Variants in BCOR observed in about 807,000 individuals in gnomAD.
BCOR encodes BCL6 corepressor.
A neutral mutation model predicts 86.7 loss-of-function variants in BCOR; 10 were observed. The observed-to-expected ratio is 0.12, with a 90% CI of 0.07 to 0.20. The LOEUF is 0.20. Ranked by LOEUF, BCOR falls within the 10% of genes least tolerant of loss-of-function variation. The pLI is 1.00. For synonymous variants in BCOR, 611 were observed against 609.0 expected (o/e 1.00, Z -0.05); for missense variants, 1,259 against 1,452.1 (o/e 0.87, Z 2.16).
chrX:40,160,877 G>C (rs1938402693), intron 1 of BCOR, among the ~76,000 whole-genome samples: 1 of 95,898 alleles, frequency 1.0e-5, no homozygotes, highest in South Asian at 4.9e-4. Flanking sequence ...GTTTCACCAT[G>C]TTGCCCAGGC....
intron 1 of BCOR, among the ~76,000 whole-genome samples, chrX:40,134,478 C>G (rs1937642078): frequency 9.1e-6 from 1 of 110,137 alleles, no homozygotes; most frequent in African/African-American, 3.3e-5. Flanking sequence ...AAAAAATTGG[C>G]TGGGTGTAGT....
In BCOR at chrX:40,110,667, C is replaced by CTTTTTTTTTTTTTTTTTTTT. The variant is rs546960508; in HGVS notation, c.-40-32718_-40-32699dup. Among the ~76,000 whole-genome samples the CTTTTTTTTTTTTTTTTTTTT allele has an allele frequency of 3.4e-4, 10 of 29,551 alleles. 2 individuals are homozygous for CTTTTTTTTTTTTTTTTTTTT. The highest frequency in any genetic ancestry group is 6.9e-4 in the Non-Finnish European group (10 of 14,555). 25.7% of individuals were successfully genotyped at this position (29,551 alleles called of 115,157 possible). A position where few individuals can be genotyped will look rare whatever the true frequency, so the allele number is the denominator to read the frequency against. ...TTCTTTTTTTTCTTTTTTCCTTTTT[C>CTTTTTTTTTTTTTTTTTTTT]TTTTTTTTTTTTTTTTTTTTTTTTT... On this transcript the variant is annotated intron_variant, in intron 1 of 14. Coordinates refer to the BCOR transcript ENST00000342274.
chrX:40,137,706 G>T (rs1311227324), intron 1 of BCOR, among the ~76,000 whole-genome samples: 1 of 111,568 alleles, frequency 9.0e-6, no homozygotes, highest in Non-Finnish European at 1.9e-5. Context: ...GTCTGTTGGG[G>T]GGCCCCAAGA....
chrX:40,057,383 C>T (rs183866805), intron 10 of BCOR, 62 bp from the exon 11 acceptor site: 182 of 1,094,391 alleles, frequency 1.7e-4, no homozygotes, highest in Non-Finnish European at 2.2e-4. Flanking sequence ...TAAGGTGGAC[C>T]TCTCTGTAGC....
Position 40,063,642 on chromosome X carries a change from C to G in BCOR, c.3813G>C (p.Ser1271=). 1 of 1,211,517 alleles carries G rather than the reference C, an allele frequency of 8.3e-7. No individual in the cohort carries two copies. The highest frequency in any genetic ancestry group is 1.1e-6 in the Non-Finnish European group (1 of 895,240). The change falls in exon 8 of 15, where the codon TCG becomes TCC. Residue 1271 remains serine (S), a synonymous_variant. Coordinates refer to ENST00000378444, the MANE Select transcript of BCOR (RefSeq NM_001123385.2). The stretch of plus-strand genomic sequence containing the variant: ...TGTCACTGGGTTTAAGAGACTCTTC[C>G]GACCAGCTTCTGTTGCCTTTGGCCT... ...RAEAKGNRSW[S]EESLKPSDNE...
At chrX:40,083,605 G>C (rs1476805969) in intron 1 of BCOR, among the ~76,000 whole-genome samples, 4 of 111,709 alleles carry the variant, frequency 3.6e-5, no homozygotes, top group Non-Finnish European at 7.6e-5. Context: ...CCCCCTCCCC[G>C]GGCTGAGGCG....
chrX:40,084,920 G>A (rs1176987524), intron 1 of BCOR, among the ~76,000 whole-genome samples: 2 of 112,012 alleles, frequency 1.8e-5, no homozygotes, highest in African/African-American at 6.5e-5. Context: ...AGAAGGAGAG[G>A]GGCACCCACC....
At position 40,063,709 on chromosome X, in the gene BCOR, C is replaced by T. The variant is rs1204238795; in HGVS notation, c.3746G>A (p.Gly1249Glu). The change falls in exon 8 of 15, where the codon GGG becomes GAG. Residue 1249 changes from glycine (G) to glutamate (E), a missense_variant. Gly to Glu is a moderately conservative substitution (Grantham distance 98, BLOSUM62 -2). Around this residue, in one of 7 missense-constraint regions of BCOR, gnomAD observed 305 missense variants for 286.1 expected, o/e 1.07. Coordinates refer to ENST00000378444, the MANE Select transcript of BCOR (RefSeq NM_001123385.2). ...AGGTTTCTCTTCAGTGATGTTAGTC[C>T]CCTGAGGAATGGCCTCAGGCTGAGT... is the stretch of plus-strand genomic sequence containing the variant. ...QATQPEAIPQ[G>E]TNITEEKPGR... 1 of 1,209,829 alleles carries T rather than the reference C, an allele frequency of 8.3e-7. No homozygotes were observed. Among genetic ancestry groups the T allele is most frequent in the Non-Finnish European group, 1.1e-6 (1 of 894,903 alleles).
intron 1 of BCOR, among the ~76,000 whole-genome samples, chrX:40,082,384 C>G (rs1273058182): frequency 8.9e-6 from 1 of 111,916 alleles, no homozygotes; most frequent in Non-Finnish European, 1.9e-5. Flanking sequence ...TCACGCCTCC[C>G]TGCTGTCCAC....
intron 12 of BCOR, among the ~76,000 whole-genome samples, chrX:40,054,734 C>A (rs889467467): frequency 3.3e-4 from 37 of 112,456 alleles, no homozygotes; most frequent in Admixed American, 2.6e-3. Flanking sequence ...AACTCCTGAC[C>A]TTTGGTGATC....
intron 1 of BCOR, among the ~76,000 whole-genome samples, chrX:40,133,620 C>T (rs1168598632): frequency 1.8e-5 from 2 of 110,290 alleles, no homozygotes; most frequent in African/African-American, 3.3e-5. Flanking sequence ...CCACCACGCC[C>T]GGCTAATTTT....
In BCOR at chrX:40,062,447, G is replaced by A. The variant is rs940780471; in HGVS notation, c.4174-54C>T. Reference sequence around the variant, plus strand: ...TTAAGCCCGTGTCCTTCTAACAGCCGCTGCTTCCCCTCCTCCTCCCCACGT... The same window carrying A: ...TTAAGCCCGTGTCCTTCTAACAGCCACTGCTTCCCCTCCTCCTCCCCACGT... On this transcript the variant is annotated intron_variant, in intron 9 of 14. Coordinates refer to ENST00000378444, the MANE Select transcript of BCOR (RefSeq NM_001123385.2). 65 of 1,166,148 alleles carry A rather than the reference G, an allele frequency of 5.6e-5. No individual in the cohort carries two copies. The Middle Eastern group carries it at 1.2e-3, about 22-fold the overall frequency.
chrX:40,070,667 G>C (rs938795384), intron 6 of BCOR, among the ~76,000 whole-genome samples: 5 of 111,865 alleles, frequency 4.5e-5, no homozygotes, highest in African/African-American at 1.6e-4. Flanking sequence ...GGGTGGGGCA[G>C]GAGATGGCTG....
At chrX:40,053,863 A>T (rs1338604957) in intron 14 of BCOR, 23 bp downstream of exon 14, 14 of 1,207,846 alleles carry the variant, frequency 1.2e-5, no homozygotes, top group Non-Finnish European at 1.6e-5. Flanking sequence ...GCTAGTTTTC[A>T]ATCACATGAC....
At chrX:40,055,560 G>T in intron 11 of BCOR, 47 bp from the exon 12 acceptor site, 1 of 1,197,617 alleles carries the variant, frequency 8.3e-7, no homozygotes, top group Non-Finnish European at 1.1e-6. Flanking sequence ...AGCCACACTT[G>T]CTTATAAAGC....
At chrX:40,065,342 G>T (rs2147094476) in intron 6 of BCOR, among the ~76,000 whole-genome samples, 1 of 113,119 alleles carries the variant, frequency 8.8e-6, no homozygotes, top group African/African-American at 3.2e-5. Context: ...ATGCACAGAT[G>T]TGAAACCAAT....
In BCOR at chrX:40,080,823, TGTGTG is replaced by T. The variant is rs1936054675; in HGVS notation, c.-40-2859_-40-2855del. Reference sequence around the variant, plus strand: ...GCAGAGCGGTTCACTGTCGTGTGTGTGTGTGTGTGTGTGTGTGTGTGTGTGTGTGT... The same window carrying T: ...GCAGAGCGGTTCACTGTCGTGTGTGTTGTGTGTGTGTGTGTGTGTGTGTGT... On this transcript the variant is annotated intron_variant, in intron 1 of 14. Coordinates refer to ENST00000378444, the MANE Select transcript of BCOR (RefSeq NM_001123385.2). Among the ~76,000 whole-genome samples the T allele has an allele frequency of 1.6e-3, 79 of 49,902 alleles. 1 individual carries two copies. In the African/African-American group the frequency reaches 0.023, roughly 15 times the overall value. 43.3% of individuals were successfully genotyped at this position (49,902 alleles called of 115,157 possible). A position where few individuals can be genotyped will look rare whatever the true frequency, so the allele number is the denominator to read the frequency against.
chrX:40,057,678 A>T (rs940975377), intron 10 of BCOR, among the ~76,000 whole-genome samples: 3 of 112,396 alleles, frequency 2.7e-5, no homozygotes, highest in African/African-American at 9.7e-5. Context: ...CACAGTGAGT[A>T]CAGAGGGATT....
chrX:40,157,780 A>AT (rs1938328102), intron 1 of BCOR, among the ~76,000 whole-genome samples: 1 of 112,194 alleles, frequency 8.9e-6, no homozygotes, highest in Non-Finnish European at 1.9e-5. Context: ...ATTTCTGGTA[A>AT]ATTGGACCTC....
Sources: allele counts gnomAD v4.1 joint callset (sites outside exome capture counted in the v4.1 genomes callset), GRCh38; gene constraint gnomAD v4.1.1; regional missense constraint gnomAD v4.1.1; transcripts MANE v1.5; gene names NCBI Gene and HGNC (gene_info 2026-07-23, HGNC 2026-07-21).